The following EVL variants were observed in gnomAD, a reference collection of about 807,000 sequenced individuals.
The protein encoded by EVL is Enah/Vasp-like, also known as ena/VASP-like protein.
In EVL, 21 loss-of-function variants were observed where a neutral mutation model predicts 59.6. That is an observed-to-expected ratio of 0.35 (90% CI 0.25 to 0.51). The LOEUF (loss-of-function observed/expected upper bound fraction) is 0.51. Among genes scored for constraint, EVL ranks in the 20% least tolerant of loss-of-function variants. EVL has a pLI of 0.97. For synonymous variants in EVL, 198 were observed against 203.5 expected (o/e 0.97, Z 0.23); for missense variants, 462 against 546.6 (o/e 0.85, Z 1.54).
At chr14:100,128,436 C>A in intron 5 of EVL, 83 bp from the exon 6 acceptor site, 1 of 1,432,512 alleles carries the variant, frequency 7.0e-7, no homozygotes, top group Non-Finnish European at 9.8e-7. Flanking sequence ...CCTGTCCTTC[C>A]TCCGGGGAAC....
intron 1 of EVL, among the ~76,000 whole-genome samples, chr14:99,984,304 T>C (rs541262169): frequency 1.6e-4 from 25 of 152,344 alleles, no homozygotes; most frequent in African/African-American, 6.0e-4. Context: ...GTGATTTCTT[T>C]GTAAGGACGT....
At chr14:100,026,231 G>GAAAAA (rs368516400) in intron 1 of EVL, among the ~76,000 whole-genome samples, 1 of 132,304 alleles carries the variant, frequency 7.6e-6, no homozygotes, top group Non-Finnish European at 1.7e-5. Context: ...AGTGTCTCAG[G>GAAAAA]AAAAAAAAAA....
chr14:100,008,336 G>C (rs2060996395), intron 1 of EVL, among the ~76,000 whole-genome samples: 1 of 152,206 alleles, frequency 6.6e-6, no homozygotes, highest in African/African-American at 2.4e-5. Flanking sequence ...GGACACTTCA[G>C]TTCTAATTCC....
rs1378074629 is a variant in EVL at position 100,100,476 on chromosome 14, G to T, written c.358+2818G>T. Among the ~76,000 whole-genome samples the T allele has an allele frequency of 2.0e-5, 3 of 152,142 alleles. No individual in the cohort carries two copies. In the East Asian group the frequency reaches 5.8e-4, roughly 29 times the overall value. ...ATGCAACTTGATGAACTGTTAACAC[G>T]TGTGTGCGCAGTTCCCAGTGCCAGA... On this transcript the variant is annotated intron_variant, in intron 3 of 13. Transcript: ENST00000392920.
At chr14:99,980,304 T>C (rs1283674872) in intron 1 of EVL, among the ~76,000 whole-genome samples, 1 of 152,216 alleles carries the variant, frequency 6.6e-6, no homozygotes, top group East Asian at 1.9e-4. Flanking sequence ...ACAGCAACAT[T>C]TTCTGGGTTG....
At chr14:100,060,633 C>T (rs1388808949), upstream of EVL, among the ~76,000 whole-genome samples, 2 of 152,014 alleles carry the variant, frequency 1.3e-5, no homozygotes, top group Non-Finnish European at 2.9e-5. Context: ...ATCAGGAGGT[C>T]TACATACGTG....
intron 3 of EVL, among the ~76,000 whole-genome samples, chr14:100,117,589 A>G (rs771839753): frequency 6.6e-6 from 1 of 151,882 alleles, no homozygotes; most frequent in Non-Finnish European, 1.5e-5. Context: ...CAGTTTTCCA[A>G]CTCTCCAGCT....
At chr14:99,993,133 C>T (rs963311024) in intron 1 of EVL, among the ~76,000 whole-genome samples, 1 of 150,278 alleles carries the variant, frequency 6.7e-6, no homozygotes. Context: ...TTTCGGCTCA[C>T]TGCAACCTCT....
intron 1 of EVL, among the ~76,000 whole-genome samples, chr14:100,044,068 G>A (rs1691141834): frequency 6.6e-6 from 1 of 152,118 alleles, no homozygotes; most frequent in African/African-American, 2.4e-5. Flanking sequence ...CACCCTCAGA[G>A]GCACACCCAG....
intron 1 of EVL, among the ~76,000 whole-genome samples, chr14:100,047,413 G>A (rs560439923): frequency 7.2e-5 from 11 of 152,200 alleles, no homozygotes; most frequent in Admixed American, 5.2e-4. Flanking sequence ...TCATTGGGCA[G>A]AATCGTCTCC....
intron 1 of EVL, among the ~76,000 whole-genome samples, chr14:100,003,731 TA>T (rs1007585960): frequency 6.6e-5 from 10 of 152,146 alleles, no homozygotes; most frequent in African/African-American, 2.2e-4. Flanking sequence ...TAACCTTAAT[TA>T]AAAAAAAATT....
chr14:100,113,939 T>C (rs903675625), intron 3 of EVL, among the ~76,000 whole-genome samples: 2 of 152,118 alleles, frequency 1.3e-5, no homozygotes, highest in African/African-American at 4.8e-5. Context: ...ACCACAGTAG[T>C]TTCCTGGCCA....
chr14:100,118,101 G>T (rs538017324), intron 3 of EVL, among the ~76,000 whole-genome samples: 3 of 152,362 alleles, frequency 2.0e-5, no homozygotes, highest in Admixed American at 6.5e-5. Context: ...TTCCTGGTAT[G>T]TGCAAGCATA....
chr14:100,112,194 CAG>C (rs1454518247), intron 3 of EVL, among the ~76,000 whole-genome samples: 12 of 152,180 alleles, frequency 7.9e-5, no homozygotes, highest in Non-Finnish European at 1.3e-4. Context: ...TCCGGAGACT[CAG>C]AAAGCCAACT....
chr14:100,076,607 G>T (rs764820265), intron 1 of EVL, among the ~76,000 whole-genome samples: 1 of 152,230 alleles, frequency 6.6e-6, no homozygotes, highest in Non-Finnish European at 1.5e-5. Flanking sequence ...TCTAAAAGAG[G>T]TAACAGATAT....
chr14:100,036,423 C>G (rs535535366), intron 1 of EVL, among the ~76,000 whole-genome samples: 4 of 152,292 alleles, frequency 2.6e-5, no homozygotes, highest in African/African-American at 9.6e-5. Context: ...TATTTCCCAT[C>G]ATGTGGGGAA....
At chr14:100,095,829 G>A (rs1885770294) in intron 2 of EVL, among the ~76,000 whole-genome samples, 2 of 152,220 alleles carry the variant, frequency 1.3e-5, no homozygotes. Context: ...CTGGGTTCAA[G>A]CGATTCTCGT....
rs542907457 is a variant in EVL at position 99,972,582 on chromosome 14, T to C, written c.5+525T>C. Reference sequence around the variant, plus strand: ...GACTTGGAGCCCGTCAACCCCTTCGTCTCCTAATTCTCAACCCCCCTTTTT... The same window carrying C: ...GACTTGGAGCCCGTCAACCCCTTCGCCTCCTAATTCTCAACCCCCCTTTTT... On this transcript the variant is annotated intron_variant, in intron 1 of 13. Coordinates refer to the EVL transcript ENST00000402714. The surrounding 1 kb of genome is among the most constrained non-coding windows in gnomAD (Gnocchi z 4.4). 1.6e-4 allele frequency among the ~76,000 whole-genome samples: 24 copies of C among 152,186 alleles called. No individual in the cohort carries two copies. Among genetic ancestry groups the C allele is most frequent in the African/African-American group, 5.5e-4 (23 of 41,522 alleles).
intron 3 of EVL, among the ~76,000 whole-genome samples, chr14:100,115,406 G>C (rs12435526): frequency 0.58 from 87,441 of 152,070 alleles, 26,933 homozygotes; most frequent in Non-Finnish European, 0.66. Context: ...CAGGCCCCCT[G>C]CTGTCCTTTG....
Sources: allele counts gnomAD v4.1 joint callset (sites outside exome capture counted in the v4.1 genomes callset), GRCh38; gene constraint gnomAD v4.1.1; non-coding constraint Gnocchi (gnomAD v3.1); transcripts MANE v1.5; gene names NCBI Gene and HGNC (gene_info 2026-07-23, HGNC 2026-07-21).